IMMP2L: variants seen among roughly 807,000 people sequenced by gnomAD.
IMMP2L encodes the protein mitochondrial inner membrane protease subunit 2.
IMMP2L carries 18 observed loss-of-function variants against 19.3 expected under a neutral mutation model. That is an observed-to-expected ratio of 0.93 (90% CI 0.64 to 1.38). IMMP2L has a LOEUF of 1.38. IMMP2L is among the 40% of genes most tolerant of loss of function. The pLI is 0.00. For missense variants in IMMP2L, 233 were observed against 218.2 expected (o/e 1.07, Z -0.43); for synonymous variants, 76 against 73.0 (o/e 1.04, Z -0.21).
intron 3 of IMMP2L, among the ~76,000 whole-genome samples, chr7:111,476,139 T>C (rs896388816): frequency 1.6e-4 from 24 of 152,102 alleles, no homozygotes; most frequent in Non-Finnish European, 3.2e-4. Context: ...GATGATGCAA[T>C]TGATCCAAGG....
chr7:110,856,906 C>A (rs200281183), intron 5 of IMMP2L, among the ~76,000 whole-genome samples: 1 of 152,024 alleles, frequency 6.6e-6, no homozygotes, highest in Non-Finnish European at 1.5e-5. Context: ...GGATGAATGA[C>A]TCATCATTAA....
chr7:110,861,109 GAGAGAGAGAGAGAGAGAGAGACAGAGAC>G lies in IMMP2L; in HGVS notation c.408+25456_408+25483del, dbSNP rs1256026146. 2.3e-5 allele frequency among the ~76,000 whole-genome samples: 3 copies of G among 131,106 alleles called. No individual in the cohort carries two copies. The East Asian group carries it at 9.2e-4, about 40-fold the overall frequency. The allele number at this position is 131,106 out of a possible 152,430, so 86.0% of individuals were successfully genotyped here. A position where few individuals can be genotyped will look rare whatever the true frequency, so the allele number is the denominator to read the frequency against. On this transcript the variant is annotated intron_variant, in intron 5 of 5. Transcript: ENST00000405709. ...TGTGTGTGTGTGTGTGAGAGAGAGA[GAGAGAGAGAGAGAGAGAGAGACAGAGAC>G]AGAGAGACAGAGACAGAGAGACAGA...
At chr7:110,967,041 A>C (rs1207005269) in intron 3 of IMMP2L, among the ~76,000 whole-genome samples, 1 of 151,948 alleles carries the variant, frequency 6.6e-6, no homozygotes, top group African/African-American at 2.4e-5. Flanking sequence ...TGTTTCTGGG[A>C]TGTGGATTTT....
chr7:111,281,538 A>C (rs2130657983), intron 3 of IMMP2L, among the ~76,000 whole-genome samples: 1 of 152,260 alleles, frequency 6.6e-6, no homozygotes, highest in Admixed American at 6.5e-5. Context: ...AACAGGACCA[A>C]ACACTAAGTA....
chr7:110,723,090 A>G (rs1302693871), intron 5 of IMMP2L, among the ~76,000 whole-genome samples: 2 of 152,172 alleles, frequency 1.3e-5, no homozygotes, highest in Non-Finnish European at 2.9e-5. Context: ...CAGACATACC[A>G]ACCATAAGAT....
chr7:110,670,957 A>G (rs1791879438), intron 5 of IMMP2L, among the ~76,000 whole-genome samples: 1 of 152,212 alleles, frequency 6.6e-6, no homozygotes, highest in Admixed American at 6.5e-5. Flanking sequence ...TTTGTGTCCC[A>G]TGTGTAACTG....
At chr7:111,332,046 A>G (rs1253218746) in intron 3 of IMMP2L, among the ~76,000 whole-genome samples, 1 of 152,092 alleles carries the variant, frequency 6.6e-6, no homozygotes, top group African/African-American at 2.4e-5. Flanking sequence ...CAAAGTAGAA[A>G]TAATGCCACA....
At chr7:111,066,960 C>T (rs1431374627) in intron 3 of IMMP2L, among the ~76,000 whole-genome samples, 1 of 152,168 alleles carries the variant, frequency 6.6e-6, no homozygotes, top group African/African-American at 2.4e-5. Context: ...AAACTGTGAA[C>T]CCCAAGACCT....
At chr7:110,937,963 G>A (rs1453750469) in intron 4 of IMMP2L, among the ~76,000 whole-genome samples, 2 of 152,082 alleles carry the variant, frequency 1.3e-5, no homozygotes, top group African/African-American at 4.8e-5. Flanking sequence ...CATATGAAGT[G>A]GCCTCTGTTC....
At chr7:110,991,940 G>A (rs1174967491) in intron 3 of IMMP2L, among the ~76,000 whole-genome samples, 2 of 152,002 alleles carry the variant, frequency 1.3e-5, no homozygotes, top group East Asian at 1.9e-4. Context: ...GCCTGGAAAA[G>A]GCTACTCAAT....
chr7:111,550,219 T>C (rs561059750), intron 1 of IMMP2L, among the ~76,000 whole-genome samples: 1 of 152,258 alleles, frequency 6.6e-6, no homozygotes, highest in East Asian at 1.9e-4. Context: ...CTACATACTG[T>C]ATGATTCTAA....
At chr7:110,826,715 A>G (rs9648956) in intron 5 of IMMP2L, among the ~76,000 whole-genome samples, 58,594 of 151,878 alleles carry the variant, frequency 0.39, 13,257 homozygotes, top group East Asian at 0.68. Flanking sequence ...GAGGGATAGC[A>G]TTAGGAGATA....
Position 111,284,519 on chromosome 7 carries a change from A to G in IMMP2L, c.239+202719T>C, listed in dbSNP as rs544722581. 1.2e-4 allele frequency among the ~76,000 whole-genome samples: 18 copies of G among 152,270 alleles called. No individual in the cohort carries two copies. The East Asian group carries it at 2.7e-3, about 23-fold the overall frequency. On this transcript the variant is annotated intron_variant, in intron 3 of 5. Transcript: ENST00000405709. The stretch of plus-strand genomic sequence containing the variant: ...TGAAGGGAAATCCATGATTCTTAGA[A>G]GTGGAAGAGTTTAGGGAGGAATGTT...
At chr7:110,770,954 T>C (rs1798992226) in intron 5 of IMMP2L, among the ~76,000 whole-genome samples, 1 of 152,076 alleles carries the variant, frequency 6.6e-6, no homozygotes, top group Non-Finnish European at 1.5e-5. Flanking sequence ...ACATAGCACT[T>C]GCTCTGTGGG....
chr7:111,066,380 A>G (rs1794500548), intron 3 of IMMP2L, among the ~76,000 whole-genome samples: 1 of 152,194 alleles, frequency 6.6e-6, no homozygotes, highest in Admixed American at 6.5e-5. Flanking sequence ...AACAAAGAAT[A>G]ATTAAAGGAA....
At chr7:111,085,730 C>G (rs1052024516) in intron 3 of IMMP2L, among the ~76,000 whole-genome samples, 4 of 152,054 alleles carry the variant, frequency 2.6e-5, no homozygotes, top group Non-Finnish European at 4.4e-5. Context: ...GATATGAAAC[C>G]AACCTAAATG....
At chr7:111,413,307 C>A (rs890609878) in intron 3 of IMMP2L, among the ~76,000 whole-genome samples, 3 of 152,118 alleles carry the variant, frequency 2.0e-5, no homozygotes, top group Non-Finnish European at 2.9e-5. Context: ...AAACCCTATA[C>A]AAACTTTTTT....
rs570572256 is a variant in IMMP2L at position 111,308,067 on chromosome 7, T to C, written c.239+179171A>G. On this transcript the variant is annotated intron_variant, in intron 3 of 5. Transcript: ENST00000405709. The stretch of plus-strand genomic sequence containing the variant: ...AACTCAGTCTCTTAACTTACAACTA[T>C]GCTTGTGCGTATCTGTCCAAATTCA... Among the ~76,000 whole-genome samples, 14 of 152,072 alleles carry C rather than the reference T, an allele frequency of 9.2e-5. No homozygotes were observed. In the South Asian group the frequency reaches 2.5e-3, roughly 27 times the overall value.
chr7:110,703,101 C>A (rs891855927), intron 5 of IMMP2L, among the ~76,000 whole-genome samples: 1 of 152,024 alleles, frequency 6.6e-6, no homozygotes, highest in Non-Finnish European at 1.5e-5. Flanking sequence ...TTTCAGAATG[C>A]GGAAGTTCCC....
Sources: allele counts gnomAD v4.1 joint callset (sites outside exome capture counted in the v4.1 genomes callset), GRCh38; gene constraint gnomAD v4.1.1; transcripts MANE v1.5; gene names NCBI Gene and HGNC (gene_info 2026-07-23, HGNC 2026-07-21).